PEAK1: variants seen among roughly 807,000 people sequenced by gnomAD.
PEAK1 encodes the protein pseudopodium enriched atypical kinase 1.
In PEAK1, 54 loss-of-function variants were observed where a neutral mutation model predicts 124.7. The ratio of observed to expected loss-of-function variants is 0.43; its 90% CI spans 0.35 to 0.54. The LOEUF (loss-of-function observed/expected upper bound fraction) is 0.54, where lower values mean the gene tolerates loss of function less well. Ranked by LOEUF, PEAK1 falls within the 20% of genes least tolerant of loss-of-function variation. The pLI is 0.01. For missense variants in PEAK1, 2,046 were observed against 2,134.5 expected (o/e 0.96, Z 0.82); for synonymous variants, 719 against 760.0 (o/e 0.95, Z 0.89).
Position 77,181,458 on chromosome 15 carries a change from C to T in PEAK1, c.469G>A (p.Ala157Thr). The change falls in exon 7 of 10, where the codon GCA becomes ACA. Residue 157 changes from alanine to threonine, a missense_variant. Ala to Thr is a moderately conservative substitution (Grantham distance 58). Transcript: ENST00000682557. ...NGLTEVLKEI[A>T]GLDTAPQIRG... Reference sequence around the variant, plus strand: ...ATCTGAGGGGCAGTATCCAAGCCTGCTATCTCCTTTAACACTTCAGTTAGT... The same window carrying T: ...ATCTGAGGGGCAGTATCCAAGCCTGTTATCTCCTTTAACACTTCAGTTAGT... The T allele has an allele frequency of 6.2e-7, 1 of 1,614,146 alleles. No homozygotes were observed. Among genetic ancestry groups the T allele is most frequent in the Admixed American group, 1.7e-5 (1 of 60,018 alleles).
intron 1 of PEAK1, among the ~76,000 whole-genome samples, chr15:77,417,033 C>T (rs536727071): frequency 6.6e-6 from 1 of 152,162 alleles, no homozygotes; most frequent in South Asian, 2.1e-4. Context: ...ACCTAGTTAA[C>T]TCTTACCTAT....
At chr15:77,151,414 T>C (rs995793045) in intron 8 of PEAK1, among the ~76,000 whole-genome samples, 5 of 152,230 alleles carry the variant, frequency 3.3e-5, no homozygotes, top group Admixed American at 3.3e-4. Flanking sequence ...ATATTAGCCC[T>C]TTGTCAGATG....
chr15:77,154,543 T>G (rs1250378754), intron 8 of PEAK1, among the ~76,000 whole-genome samples: 2 of 152,190 alleles, frequency 1.3e-5, no homozygotes, highest in Non-Finnish European at 2.9e-5. Flanking sequence ...GTTAGCTGGT[T>G]ATTTTGCTCG....
intron 2 of PEAK1, among the ~76,000 whole-genome samples, chr15:77,312,908 T>C (rs1361520734): frequency 6.6e-6 from 1 of 152,206 alleles, no homozygotes; most frequent in African/African-American, 2.4e-5. Flanking sequence ...TAGTTAGAAA[T>C]GGATAATCAG....
chr15:77,357,928 G>GT (rs1663453153), intron 2 of PEAK1, among the ~76,000 whole-genome samples: 1 of 151,896 alleles, frequency 6.6e-6, no homozygotes, highest in Admixed American at 6.6e-5. Context: ...CTCAAATCCC[G>GT]TATCTCAGTC....
At chr15:77,298,440 G>A (rs994731336) in intron 2 of PEAK1, among the ~76,000 whole-genome samples, 2 of 151,076 alleles carry the variant, frequency 1.3e-5, no homozygotes, top group Non-Finnish European at 2.9e-5. Flanking sequence ...GGATGGTCTC[G>A]ATCTCCTGAC....
chr15:77,295,474 T>C (rs936391970), intron 2 of PEAK1, among the ~76,000 whole-genome samples: 2 of 152,176 alleles, frequency 1.3e-5, no homozygotes, highest in African/African-American at 4.8e-5. Flanking sequence ...AAATTAACTC[T>C]CACTTCTCAA....
Position 77,108,267 on chromosome 15 carries a change from G to A in PEAK1, c.*5889C>T, listed in dbSNP as rs971639842. The A allele has an allele frequency of 6.6e-6, 1 of 152,228 alleles. No homozygotes were observed. The highest frequency in any genetic ancestry group is 2.4e-5 in the African/African-American group (1 of 41,448). The allele number at this position is 152,228 out of a possible 1,614,324, so 9.4% of individuals were successfully genotyped here. On this transcript the variant is annotated 3_prime_UTR_variant, in exon 10 of 10. Transcript: ENST00000682557. ...GGGTGGCACCACTGCTGGCAGAGAGGACCTTTCAATGATAGATTTATACAA... is the reference window on the plus strand; with the variant it reads ...GGGTGGCACCACTGCTGGCAGAGAGAACCTTTCAATGATAGATTTATACAA...
At chr15:77,151,233 C>T (rs60831923) in intron 8 of PEAK1, among the ~76,000 whole-genome samples, 50,111 of 145,394 alleles carry the variant, frequency 0.34, 8,742 homozygotes, top group Non-Finnish European at 0.36. Flanking sequence ...TATCTCATTG[C>T]AGTTTTGATT....
At chr15:77,251,621 A>G (rs553570270) in intron 6 of PEAK1, among the ~76,000 whole-genome samples, 1 of 152,294 alleles carries the variant, frequency 6.6e-6, no homozygotes, top group African/African-American at 2.4e-5. Flanking sequence ...ACGAAAAAAT[A>G]ATTGTTGAAG....
chr15:77,281,498 A>G (rs1043553747), intron 5 of PEAK1, among the ~76,000 whole-genome samples: 2 of 152,208 alleles, frequency 1.3e-5, no homozygotes, highest in Non-Finnish European at 2.9e-5. Context: ...TATAAGAATA[A>G]GCAAAGCTAT....
At chr15:77,318,646 T>C (rs2065017360) in intron 2 of PEAK1, among the ~76,000 whole-genome samples, 1 of 152,002 alleles carries the variant, frequency 6.6e-6, no homozygotes, top group Non-Finnish European at 1.5e-5. Flanking sequence ...TATAATTTAT[T>C]AGTCATAAAT....
intron 2 of PEAK1, chr15:77,337,542 T>C (rs1038779290): frequency 5.2e-5 from 51 of 984,966 alleles, no homozygotes; most frequent in East Asian, 2.3e-4. Context: ...GAAGATAAGA[T>C]GTAGTCTGGC....
At chr15:77,291,011 C>T (rs1320911997) in intron 2 of PEAK1, among the ~76,000 whole-genome samples, 1 of 152,096 alleles carries the variant, frequency 6.6e-6, no homozygotes, top group East Asian at 1.9e-4. Flanking sequence ...ATTTTCTATA[C>T]CAAGGAACAA....
At chr15:77,148,746 A>G (rs1471571760) in intron 8 of PEAK1, among the ~76,000 whole-genome samples, 1 of 151,172 alleles carries the variant, frequency 6.6e-6, no homozygotes, top group Non-Finnish European at 1.5e-5. Context: ...GGGAGACTCT[A>G]TCTCTACAAA....
intron 2 of PEAK1, among the ~76,000 whole-genome samples, chr15:77,297,980 G>A (rs1229287955): frequency 2.1e-5 from 3 of 140,130 alleles, no homozygotes; most frequent in African/African-American, 8.1e-5. Flanking sequence ...ATGGCGTGAA[G>A]CCGGGAAGCG....
chr15:77,358,541 A>C (rs898053403), intron 2 of PEAK1, among the ~76,000 whole-genome samples: 4 of 152,214 alleles, frequency 2.6e-5, no homozygotes, highest in African/African-American at 9.6e-5. Context: ...ACCCTTTTCG[A>C]AACACTCTAA....
Position 77,363,961 on chromosome 15 carries a change from G to A in PEAK1, c.-603+1202C>T, listed in dbSNP as rs1238930430. ...CACCTGTAATCCCAGCACTTTGGGA[G>A]GCCGAGGTGGGAGGATCACTTGAGG... On this transcript the variant is annotated intron_variant, in intron 2 of 9. Coordinates refer to ENST00000682557, the MANE Select transcript of PEAK1 (RefSeq NM_001385026.1). Among the ~76,000 whole-genome samples, 8 of 152,160 alleles carry A rather than the reference G, an allele frequency of 5.3e-5. No homozygotes were observed. The South Asian group carries it at 1.4e-3, about 28-fold the overall frequency.
intron 8 of PEAK1, among the ~76,000 whole-genome samples, chr15:77,151,439 AT>A (rs2054617036): frequency 6.6e-6 from 1 of 151,994 alleles, no homozygotes; most frequent in Non-Finnish European, 1.5e-5. Flanking sequence ...GATTGCAAAA[AT>A]TTTCTCCCAC....
Sources: gnomAD v4.1 joint callset for allele counts (sites outside exome capture counted in the v4.1 genomes callset) on GRCh38, gnomAD v4.1.1 for gene constraint, MANE v1.5 for transcripts, NCBI Gene and HGNC (gene_info 2026-07-23, HGNC 2026-07-21) for gene names.